RIMS2: variants seen among roughly 807,000 people sequenced by gnomAD.
The protein encoded by RIMS2 is regulating synaptic membrane exocytosis 2.
A neutral mutation model predicts 174.4 loss-of-function variants in RIMS2; 59 were observed. The observed-to-expected ratio is 0.34, with a 90% CI of 0.27 to 0.42. RIMS2 has a LOEUF of 0.42. RIMS2 is among the 10% of genes least tolerant of loss of function. RIMS2 has a pLI of 1.00. For missense variants in RIMS2, 1,620 were observed against 1,666.3 expected (o/e 0.97, Z 0.48); for synonymous variants, 606 against 572.5 (o/e 1.06, Z -0.84).
At chr8:103,910,355 G>A in intron 5 of RIMS2, 2 of 1,598,042 alleles carry the variant, frequency 1.3e-6, no homozygotes, top group Admixed American at 1.7e-5. Context: ...AAACTAGTGA[G>A]CAGGCAGTTT....
At chr8:104,169,114 T>A (rs2098815550) in intron 19 of RIMS2, among the ~76,000 whole-genome samples, 1 of 151,724 alleles carries the variant, frequency 6.6e-6, no homozygotes, top group African/African-American at 2.4e-5. Flanking sequence ...TCTGTAGTTT[T>A]CTTTTTTTTG....
rs556632934 is a variant in RIMS2, at chr8:103,601,216, G to A, written c.177-95870G>A. The stretch of plus-strand genomic sequence containing the variant: ...CTATACAGAAGCTTTTTAACATGAT[G>A]TGATCCCATTTGTCCATTTTTGCTT... On this transcript the variant is annotated intron_variant, in intron 1 of 23. Transcript: ENST00000504942. Among the ~76,000 whole-genome samples, 8 of 152,222 alleles carry A rather than the reference G, an allele frequency of 5.3e-5. No homozygotes were observed. The South Asian group carries it at 6.2e-4, about 12-fold the overall frequency.
intron 19 of RIMS2, among the ~76,000 whole-genome samples, chr8:104,224,233 A>C (rs1034134780): frequency 6.6e-6 from 1 of 152,186 alleles, no homozygotes; most frequent in Non-Finnish European, 1.5e-5. Flanking sequence ...AAAACCCAAG[A>C]TCGGATGAGG....
In RIMS2 at chr8:104,023,959, G is replaced by A. The variant is rs145042900; in HGVS notation, c.3334+9344G>A. Among the ~76,000 whole-genome samples the A allele has an allele frequency of 5.0e-3, 768 of 152,190 alleles. 11 individuals are homozygous for A. The highest frequency in any genetic ancestry group is 0.017 in the Middle Eastern group (5 of 294). On this transcript the variant is annotated intron_variant, in intron 19 of 23. Transcript: ENST00000504942. ...TTATCAAGAATATGAAATGATTATC[G>A]GACTTAGCAAGTAGGAAGTCACTAT... is the stretch of plus-strand genomic sequence containing the variant.
At chr8:104,027,005 G>C (rs188535125) in intron 19 of RIMS2, among the ~76,000 whole-genome samples, 1 of 152,146 alleles carries the variant, frequency 6.6e-6, no homozygotes, top group Non-Finnish European at 1.5e-5. Flanking sequence ...TAATATGAGA[G>C]AGATTCAGGG....
chr8:103,756,562 T>G (rs2098013348), intron 2 of RIMS2, among the ~76,000 whole-genome samples: 1 of 151,492 alleles, frequency 6.6e-6, no homozygotes, highest in African/African-American at 2.4e-5. Flanking sequence ...AGCCCTATGG[T>G]GGGGTGGGCC....
At chr8:104,108,284 A>G (rs1256904254) in intron 19 of RIMS2, among the ~76,000 whole-genome samples, 2 of 151,970 alleles carry the variant, frequency 1.3e-5, no homozygotes, top group East Asian at 1.9e-4. Flanking sequence ...TCCAGGCTGT[A>G]TCATATCTCA....
chr8:104,191,717 G>A (rs964397175), intron 19 of RIMS2, among the ~76,000 whole-genome samples: 1 of 152,016 alleles, frequency 6.6e-6, no homozygotes, highest in Admixed American at 6.6e-5. Context: ...ATGAAAATTT[G>A]TTAGTGTAGA....
chr8:103,972,063 A>T (rs1179625587), intron 15 of RIMS2, among the ~76,000 whole-genome samples: 1 of 152,132 alleles, frequency 6.6e-6, no homozygotes. Flanking sequence ...TTAAAGTCCC[A>T]TGGCTTTAAA....
At chr8:104,119,119 G>C (rs1036634639) in intron 19 of RIMS2, among the ~76,000 whole-genome samples, 4 of 151,692 alleles carry the variant, frequency 2.6e-5, no homozygotes, top group African/African-American at 9.7e-5. Context: ...AGGCCGAGGC[G>C]GGCGGATCAT....
At chr8:103,629,082 A>G (rs1200680363) in intron 1 of RIMS2, among the ~76,000 whole-genome samples, 2 of 152,040 alleles carry the variant, frequency 1.3e-5, no homozygotes, top group African/African-American at 2.4e-5. Context: ...CAGAAACTAT[A>G]TTGCATCCTT....
chr8:104,137,208 G>C (rs2098528186), intron 19 of RIMS2, among the ~76,000 whole-genome samples: 1 of 152,108 alleles, frequency 6.6e-6, no homozygotes, highest in Admixed American at 6.6e-5. Flanking sequence ...TAAAATAGCT[G>C]CTTCTTCAAA....
chr8:103,845,276 G>A (rs2098961807), intron 3 of RIMS2, among the ~76,000 whole-genome samples: 1 of 151,982 alleles, frequency 6.6e-6, no homozygotes, highest in African/African-American at 2.4e-5. Flanking sequence ...GGGCATGCTT[G>A]ATTTCTGTAG....
At chr8:103,527,725 C>G (rs1350120957) in intron 1 of RIMS2, among the ~76,000 whole-genome samples, 1 of 152,084 alleles carries the variant, frequency 6.6e-6, no homozygotes, top group East Asian at 1.9e-4. Flanking sequence ...TGAACTCATC[C>G]TTTTTTATGG....
At chr8:104,191,363 G>A (rs1020293000) in intron 19 of RIMS2, among the ~76,000 whole-genome samples, 1 of 152,012 alleles carries the variant, frequency 6.6e-6, no homozygotes, top group African/African-American at 2.4e-5. Flanking sequence ...TATTTTTGTG[G>A]TGAAAATCAT....
intron 3 of RIMS2, among the ~76,000 whole-genome samples, chr8:103,778,490 A>G (rs377716104): frequency 1.1e-4 from 17 of 152,140 alleles, no homozygotes; most frequent in African/African-American, 3.9e-4. Flanking sequence ...TAGTTCCTAC[A>G]TGAGTGAGAA....
At chr8:103,786,930 A>G (rs1328494141) in intron 3 of RIMS2, among the ~76,000 whole-genome samples, 1 of 151,650 alleles carries the variant, frequency 6.6e-6, no homozygotes, top group Non-Finnish European at 1.5e-5. Context: ...GTCACTCACG[A>G]CTTGCTCTAT....
chr8:104,115,877 AC>A (rs1302164755), intron 19 of RIMS2, among the ~76,000 whole-genome samples: 2 of 152,046 alleles, frequency 1.3e-5, no homozygotes, highest in African/African-American at 4.8e-5. Flanking sequence ...GAGATCAGAA[AC>A]CCTAATTCTT....
intron 4 of RIMS2, among the ~76,000 whole-genome samples, chr8:103,907,488 G>C (rs2074684748): frequency 6.6e-6 from 1 of 151,888 alleles, no homozygotes; most frequent in Non-Finnish European, 1.5e-5. Flanking sequence ...AACTCTATTT[G>C]ATTTGTAGAC....
Sources: gnomAD v4.1 joint callset for allele counts (sites outside exome capture counted in the v4.1 genomes callset) on GRCh38, gnomAD v4.1.1 for gene constraint, MANE v1.5 for transcripts, NCBI Gene and HGNC (gene_info 2026-07-23, HGNC 2026-07-21) for gene names.